Variants in MACF1 observed in about 807,000 individuals in gnomAD.
MACF1 encodes microtubule-actin cross-linking factor 1.
In MACF1, 193 loss-of-function variants were observed where a neutral mutation model predicts 854.8. The ratio of observed to expected loss-of-function variants is 0.23; its 90% CI spans 0.20 to 0.25. The LOEUF (loss-of-function observed/expected upper bound fraction) is 0.25. MACF1 is among the 10% of genes least tolerant of loss of function. The pLI is 1.00. For missense variants in MACF1, 7,722 were observed against 8,929.1 expected, an observed-to-expected ratio of 0.86 and a Z score of 5.45; for synonymous variants, 3,185 against 3,226.7, an observed-to-expected ratio of 0.99 and a Z score of 0.44.
chr1:39,327,348 C>G lies in MACF1; in HGVS notation c.4609C>G (p.Gln1537Glu), dbSNP rs754964382. ...GAGCCAGTTGGCTCACCAGACAGAACAAAAGGTACTTTTAGTTTTCATCTC... is the reference window on the plus strand; with the variant it reads ...GAGCCAGTTGGCTCACCAGACAGAAGAAAAGGTACTTTTAGTTTTCATCTC... Reference protein sequence around the residue: ...LQSQLAHQTEQKECRAVAGVI... With the variant: ...LQSQLAHQTEEKECRAVAGVI... Residue 1537 changes from glutamine (Q) to glutamate (E), a missense_variant, in exon 36 of 101, where the codon CAA becomes GAA. Physicochemically the swap from Gln to Glu is conservative, Grantham distance 29. Around this residue, in one of 15 missense-constraint regions of MACF1, gnomAD observed 1,531 missense variants for 1,601.6 expected, o/e 0.96. Coordinates refer to ENST00000564288, the MANE Select transcript of MACF1 (RefSeq NM_001394062.1). 1.1e-5 allele frequency: 17 copies of G among 1,592,246 alleles called. No individual in the cohort carries two copies. In the Admixed American group the frequency reaches 2.9e-4, roughly 27 times the overall value.
chr1:39,156,531 A>G (rs1643691132), intron 2 of MACF1, among the ~76,000 whole-genome samples: 1 of 152,148 alleles, frequency 6.6e-6, no homozygotes, highest in Non-Finnish European at 1.5e-5. Context: ...AGGTGGGAGT[A>G]TCGCTTGAGC....
At chr1:39,429,571 G>A (rs554379976) in intron 64 of MACF1, among the ~76,000 whole-genome samples, 6 of 152,190 alleles carry the variant, frequency 3.9e-5, no homozygotes, top group Admixed American at 1.3e-4. Context: ...ATGCCAACAT[G>A]CACTGAAAGG....
At chr1:39,156,594 G>C (rs190956113) in intron 2 of MACF1, among the ~76,000 whole-genome samples, 3 of 152,260 alleles carry the variant, frequency 2.0e-5, no homozygotes, top group Admixed American at 2.0e-4. Context: ...ACTCCAGCCT[G>C]GGTGACAGAA....
chr1:39,450,909 C>G, intron 84 of MACF1, 143 bp from the exon 85 acceptor site: 1 of 942,580 alleles, frequency 1.1e-6, no homozygotes, highest in Non-Finnish European at 1.6e-6. Flanking sequence ...CCGCGCCCGG[C>G]CTTTACTGTA....
chr1:39,330,051 A>T (rs186341537), intron 36 of MACF1, among the ~76,000 whole-genome samples: 1 of 152,328 alleles, frequency 6.6e-6, no homozygotes, highest in Admixed American at 6.5e-5. Flanking sequence ...TAAAGATTCA[A>T]ACAATTGTTT....
At chr1:39,189,677 A>G (rs1240612095) in intron 2 of MACF1, among the ~76,000 whole-genome samples, 1 of 152,058 alleles carries the variant, frequency 6.6e-6, no homozygotes, top group Non-Finnish European at 1.5e-5. Context: ...TATATTTCTT[A>G]TCTATGGAAG....
intron 46 of MACF1, 69 bp downstream of exon 46, chr1:39,358,942 T>C: frequency 6.6e-7 from 1 of 1,518,220 alleles, no homozygotes. Context: ...TACCCCAAAA[T>C]AAAGCAAATG....
chr1:39,240,390 T>TA (rs1356603325), intron 2 of MACF1, among the ~76,000 whole-genome samples: 10 of 152,230 alleles, frequency 6.6e-5, no homozygotes, highest in African/African-American at 2.4e-4. Context: ...AATTTCACTC[T>TA]AAATGCTTCT....
intron 58 of MACF1, among the ~76,000 whole-genome samples, chr1:39,400,769 A>G (rs1389448194): frequency 6.6e-6 from 1 of 152,110 alleles, no homozygotes; most frequent in Non-Finnish European, 1.5e-5. Flanking sequence ...CAGCCTCCCA[A>G]AATGCTGGGG....
chr1:39,434,773 A>G (rs1570065397), intron 69 of MACF1, 141 bp downstream of exon 69: 1 of 663,940 alleles, frequency 1.5e-6, no homozygotes, highest in Non-Finnish European at 2.5e-6. Context: ...CTTTCATAAT[A>G]CATAATCTGA....
chr1:39,426,778 T>TG lies in MACF1; in HGVS notation c.16317-669dup, dbSNP rs202122482. On this transcript the variant is annotated intron_variant, in intron 61 of 100. Transcript: ENST00000564288. The stretch of plus-strand genomic sequence containing the variant: ...TAGTTTTTTTTGTTTGGTTTTTTTT[T>TG]GGGGGGGGTGCTTTTTGTGTTGGCA... 3.5e-3 allele frequency among the ~76,000 whole-genome samples: 528 copies of TG among 151,436 alleles called. 1 individual carries two copies. Among genetic ancestry groups the TG allele is most frequent in the Admixed American group, 5.4e-3 (82 of 15,170 alleles).
chr1:39,475,955 G>A (rs551642553), intron 97 of MACF1, among the ~76,000 whole-genome samples: 19 of 152,218 alleles, frequency 1.2e-4, no homozygotes, highest in African/African-American at 4.1e-4. Context: ...GGGAGCAGGC[G>A]TCCTTGAAGC....
At chr1:39,096,582 C>G (rs1305359230) in intron 2 of MACF1, among the ~76,000 whole-genome samples, 3 of 88,572 alleles carry the variant, frequency 3.4e-5, no homozygotes, top group Non-Finnish European at 7.8e-5. Context: ...GAGCAAGACT[C>G]TATCTCAAAA....
intron 79 of MACF1, 137 bp downstream of exon 79, chr1:39,443,711 G>A: frequency 1.0e-6 from 1 of 959,874 alleles, no homozygotes; most frequent in Non-Finnish European, 1.5e-6. Context: ...ATAACCTTTG[G>A]GGATTGCTGC....
At chr1:39,337,159 C>T (rs1646825538) in intron 37 of MACF1, 23 bp from the exon 38 acceptor site, 1 of 1,602,854 alleles carries the variant, frequency 6.2e-7, no homozygotes, top group African/African-American at 1.3e-5. Flanking sequence ...AGAACTGAGT[C>T]AGCTTTCTTT....
rs1400896990 is a variant in MACF1 at position 39,419,482 on chromosome 1, G to A, written c.15817-2892G>A. On this transcript the variant is annotated intron_variant, in intron 58 of 100. Coordinates refer to ENST00000564288, the MANE Select transcript of MACF1 (RefSeq NM_001394062.1). The stretch of plus-strand genomic sequence containing the variant: ...TCAGATTTCAGATTTTCAGATTTGG[G>A]ATGCTCAACCGGTAAGTATTTAATG... 2.6e-5 allele frequency among the ~76,000 whole-genome samples: 4 copies of A among 151,816 alleles called. No individual in the cohort carries two copies. The South Asian group carries it at 8.3e-4, about 32-fold the overall frequency.
intron 2 of MACF1, among the ~76,000 whole-genome samples, chr1:39,102,270 T>C (rs957653970): frequency 1.3e-5 from 2 of 152,136 alleles, no homozygotes; most frequent in Non-Finnish European, 2.9e-5. Flanking sequence ...GCCCTATATG[T>C]GCCAGATCAG....
chr1:39,323,237 G>A (rs1186430287), intron 33 of MACF1, among the ~76,000 whole-genome samples: 2 of 152,062 alleles, frequency 1.3e-5, no homozygotes, highest in Non-Finnish European at 2.9e-5. Flanking sequence ...AGTTACTTGG[G>A]AGGCTGAGGT....
At chr1:39,323,033 A>G (rs201588026) in intron 33 of MACF1, 25 bp downstream of exon 33, 25 of 1,602,576 alleles carry the variant, frequency 1.6e-5, no homozygotes, top group Middle Eastern at 1.7e-4. Context: ...GTCCAAAGTC[A>G]TCTTGAAAGT....
Sources: gnomAD v4.1 joint callset for allele counts (sites outside exome capture counted in the v4.1 genomes callset) on GRCh38, gnomAD v4.1.1 for gene constraint, gnomAD v4.1.1 regional missense constraint, MANE v1.5 for transcripts, NCBI Gene and HGNC (gene_info 2026-07-23, HGNC 2026-07-21) for gene names.